Variants in SLC5A12 observed in about 807,000 individuals in gnomAD.
SLC5A12 encodes solute carrier family 5 member 12, also known as sodium-coupled monocarboxylate transporter 2.
In SLC5A12, 46 loss-of-function variants were observed where a neutral mutation model predicts 72.7. The observed-to-expected ratio is 0.63, with a 90% CI of 0.50 to 0.81. The LOEUF (loss-of-function observed/expected upper bound fraction) is 0.81, where lower values mean the gene tolerates loss of function less well. Ranked by LOEUF, SLC5A12 falls within the 30% of genes least tolerant of loss-of-function variation. The pLI, the probability that SLC5A12 is intolerant of heterozygous loss-of-function variation, is 0.00. For synonymous variants in SLC5A12, 275 were observed against 264.4 expected, an observed-to-expected ratio of 1.04 and a Z score of -0.39; for missense variants, 683 against 740.7, an observed-to-expected ratio of 0.92 and a Z score of 0.90.
chr11:26,717,892 G>A (rs1056083889), intron 1 of SLC5A12, among the ~76,000 whole-genome samples: 1 of 152,118 alleles, frequency 6.6e-6, no homozygotes, highest in African/African-American at 2.4e-5. Context: ...GATCAGCTAT[G>A]CCACCTTCCT....
rs1288959297 is a variant in SLC5A12 at position 26,673,415 on chromosome 11, C to T, written c.1694G>A (p.Ser565Asn). 6.9e-6 allele frequency: 11 copies of T among 1,599,862 alleles called. No individual in the cohort carries two copies. Among genetic ancestry groups the T allele is most frequent in the South Asian group, 6.8e-5 (6 of 88,304 alleles). ...TLCWCGVQHDSGTEQENLENG... is the reference protein window; with the variant it reads ...TLCWCGVQHDNGTEQENLENG... ...ACATCAGCTCACCTGCTCTGTCCCA[C>T]TGTCATGCTGAACTCCACACCAGCA... is the stretch of plus-strand genomic sequence containing the variant. The change falls in exon 14 of 15, where the codon AGT becomes AAT. Residue 565 changes from serine to asparagine, a missense_variant. Physicochemically the swap from Ser to Asn is conservative, Grantham distance 46. Transcript: ENST00000396005.
chr11:26,707,994 AT>A (rs1855130598), intron 4 of SLC5A12, among the ~76,000 whole-genome samples: 1 of 151,886 alleles, frequency 6.6e-6, no homozygotes, highest in Non-Finnish European at 1.5e-5. Flanking sequence ...GTTTCCCTAC[AT>A]TTTCACTGAC....
chr11:26,711,100 A>G (rs1478247749), intron 3 of SLC5A12, among the ~76,000 whole-genome samples: 1 of 152,168 alleles, frequency 6.6e-6, no homozygotes, highest in Non-Finnish European at 1.5e-5. Flanking sequence ...CTAGAAGTAT[A>G]TGAGTCAAAA....
At chr11:26,685,524 C>T (rs1346416978) in intron 10 of SLC5A12, among the ~76,000 whole-genome samples, 1 of 151,920 alleles carries the variant, frequency 6.6e-6, no homozygotes, top group Non-Finnish European at 1.5e-5. Flanking sequence ...AGGAGAATTG[C>T]TTGAACCTGG....
Position 26,669,658 on chromosome 11 carries a change from G to T in SLC5A12, c.*1444C>A, listed in dbSNP as rs1854094378. 1 of 151,750 alleles carries T rather than the reference G, an allele frequency of 6.6e-6. No individual in the cohort carries two copies. The highest frequency in any genetic ancestry group is 6.6e-5 in the Admixed American group (1 of 15,198). The allele number at this position is 151,750 out of a possible 1,614,324, so 9.4% of individuals were successfully genotyped here. On this transcript the variant is annotated 3_prime_UTR_variant, in exon 15 of 15. Transcript: ENST00000396005. ...TCTGTTTTAATTCCTCCACTGATTT[G>T]TCTGTCTTTCTATCTTTTCTAATAA...
intron 6 of SLC5A12, among the ~76,000 whole-genome samples, chr11:26,703,052 C>G (rs58446418): frequency 0.036 from 5,437 of 152,204 alleles, 325 homozygotes; most frequent in African/African-American, 0.12. Flanking sequence ...TGGAGGCCTT[C>G]AGCTACTTCT....
chr11:26,697,658 T>C (rs141025874), intron 7 of SLC5A12, among the ~76,000 whole-genome samples: 54 of 152,296 alleles, frequency 3.5e-4, no homozygotes, highest in African/African-American at 1.3e-3. Flanking sequence ...CCATGTTTAC[T>C]GTAGTATATC....
intron 1 of SLC5A12, among the ~76,000 whole-genome samples, chr11:26,718,096 C>A (rs1235874771): frequency 6.6e-6 from 1 of 152,124 alleles, no homozygotes; most frequent in Admixed American, 6.6e-5. Flanking sequence ...TTTAAAAAGA[C>A]CCTAGAAAGC....
At chr11:26,691,070 C>A (rs2133167607) in intron 9 of SLC5A12, among the ~76,000 whole-genome samples, 1 of 152,056 alleles carries the variant, frequency 6.6e-6, no homozygotes, top group African/African-American at 2.4e-5. Context: ...GGACTTATTT[C>A]CTCTTTATAT....
chr11:26,693,518 G>A (rs746326727), intron 8 of SLC5A12, among the ~76,000 whole-genome samples: 3 of 152,116 alleles, frequency 2.0e-5, no homozygotes, highest in Admixed American at 6.6e-5. Context: ...GGACCTGAAC[G>A]TTGGGGTTTT....
chr11:26,716,661 A>G (rs1855356907), intron 1 of SLC5A12, among the ~76,000 whole-genome samples: 1 of 152,186 alleles, frequency 6.6e-6, no homozygotes, highest in East Asian at 1.9e-4. Flanking sequence ...TTCGAGCCCA[A>G]ATAACATAGA....
chr11:26,722,226 T>C (rs1345215909), upstream of SLC5A12, among the ~76,000 whole-genome samples: 2 of 152,162 alleles, frequency 1.3e-5, no homozygotes, highest in African/African-American at 4.8e-5. Context: ...GTCTTCCTCT[T>C]GAAGAAGGGA....
chr11:26,694,524 T>C (rs993187657), intron 8 of SLC5A12, among the ~76,000 whole-genome samples: 1 of 152,160 alleles, frequency 6.6e-6, no homozygotes, highest in Non-Finnish European at 1.5e-5. Context: ...CTGTCCTTAG[T>C]GTCCTTGAGA....
chr11:26,676,831 T>C (rs905030842), intron 13 of SLC5A12, among the ~76,000 whole-genome samples: 2 of 152,134 alleles, frequency 1.3e-5, no homozygotes, highest in Non-Finnish European at 2.9e-5. Flanking sequence ...ATTCTATGTG[T>C]CAACATGTAT....
intron 7 of SLC5A12, 130 bp downstream of exon 7, chr11:26,698,276 A>C: frequency 8.2e-7 from 1 of 1,226,312 alleles, no homozygotes; most frequent in Non-Finnish European, 1.1e-6. Flanking sequence ...AGAAGAAAGA[A>C]ACCAACTTCT....
At chr11:26,696,813 T>C (rs1854827472) in intron 8 of SLC5A12, among the ~76,000 whole-genome samples, 1 of 152,192 alleles carries the variant, frequency 6.6e-6, no homozygotes, top group African/African-American at 2.4e-5. Context: ...AGCTGCTTTA[T>C]GTAAAGGTGA....
At position 26,671,012 on chromosome 11, in the gene SLC5A12, T is replaced by C. The variant is rs964702377; in HGVS notation, c.*90A>G. On this transcript the variant is annotated 3_prime_UTR_variant, in exon 15 of 15. Coordinates refer to ENST00000396005, the MANE Select transcript of SLC5A12 (RefSeq NM_178498.4). The stretch of plus-strand genomic sequence containing the variant: ...GTCTTCTAGCAATGGCAACTATACA[T>C]ATCTACTAACAAGTAGGCAAGAAGT... The C allele has an allele frequency of 9.6e-6, 12 of 1,246,020 alleles. No individual in the cohort carries two copies. Among genetic ancestry groups the C allele is most frequent in the Admixed American group, 4.8e-5 (2 of 41,532 alleles). The allele number at this position is 1,246,020 out of a possible 1,614,324, so 77.2% of individuals were successfully genotyped here.
chr11:26,692,725 T>G, intron 8 of SLC5A12, 124 bp from the exon 9 acceptor site: 1 of 618,308 alleles, frequency 1.6e-6, no homozygotes, highest in Non-Finnish European at 2.9e-6. Context: ...GATATATCTC[T>G]ATCTTCTGAG....
chr11:26,671,605 A>G (rs1243234806), intron 14 of SLC5A12, among the ~76,000 whole-genome samples: 3 of 152,016 alleles, frequency 2.0e-5, no homozygotes, highest in Non-Finnish European at 4.4e-5. Flanking sequence ...CCCCCTTCCT[A>G]CCTGGGAATA....
Sources: allele counts gnomAD v4.1 joint callset (sites outside exome capture counted in the v4.1 genomes callset), GRCh38; gene constraint gnomAD v4.1.1; transcripts MANE v1.5; gene names NCBI Gene and HGNC (gene_info 2026-07-23, HGNC 2026-07-21).